WDPCP: variants seen among roughly 807,000 people sequenced by gnomAD.
WDPCP encodes WD repeat-containing and planar cell polarity effector protein fritz homolog.
WDPCP carries 71 observed loss-of-function variants against 93.1 expected under a neutral mutation model. The ratio of observed to expected loss-of-function variants is 0.76; its 90% CI spans 0.63 to 0.93. The LOEUF (loss-of-function observed/expected upper bound fraction) is 0.93, where lower values mean the gene tolerates loss of function less well. Among genes scored for constraint, WDPCP ranks in the 40% least tolerant of loss-of-function variants. WDPCP has a pLI of 0.00. For missense variants in WDPCP, 844 were observed against 887.4 expected (o/e 0.95, Z 0.62); for synonymous variants, 315 against 315.0 (o/e 1.00, Z 0.00).
intron 2 of WDPCP, among the ~76,000 whole-genome samples, chr2:63,656,576 G>A (rs1710168517): frequency 6.6e-6 from 1 of 152,222 alleles, no homozygotes; most frequent in Admixed American, 6.5e-5. Flanking sequence ...TTACTCAGGA[G>A]CCATGTATAG....
At chr2:63,515,684 C>G (rs1203841989) in intron 1 of WDPCP, among the ~76,000 whole-genome samples, 1 of 152,166 alleles carries the variant, frequency 6.6e-6, no homozygotes, top group Non-Finnish European at 1.5e-5. Flanking sequence ...TATAGAGCCC[C>G]TACTATGTGT....
chr2:63,598,801 T>G (rs750136478), intron 3 of WDPCP, among the ~76,000 whole-genome samples: 29 of 151,524 alleles, frequency 1.9e-4, no homozygotes, highest in Non-Finnish European at 4.0e-4. Flanking sequence ...TAATTCCACT[T>G]CTTCAAAGCG....
Position 63,437,417 on chromosome 2 carries a change from C to A in WDPCP, c.633+4G>T, listed in dbSNP as rs1473376005. 4 of 1,594,946 alleles carry A rather than the reference C, an allele frequency of 2.5e-6. No homozygotes were observed. In the South Asian group the frequency reaches 4.5e-5, roughly 18 times the overall value. On this transcript the variant is annotated splice_donor_region_variant and intron_variant, in intron 8 of 17. Coordinates refer to ENST00000272321, the MANE Select transcript of WDPCP (RefSeq NM_015910.7). Reference sequence around the variant, plus strand: ...AATATGACTATATAAATCAAAATCTCTACCTTATAATCCAAGGCTGAGAGT... The same window carrying A: ...AATATGACTATATAAATCAAAATCTATACCTTATAATCCAAGGCTGAGAGT...
chr2:63,143,672 C>T (rs539320951), intron 17 of WDPCP, among the ~76,000 whole-genome samples: 13 of 152,268 alleles, frequency 8.5e-5, no homozygotes, highest in African/African-American at 1.9e-4. Flanking sequence ...TGTCTGAAAA[C>T]GACTATATCT....
chr2:63,702,545 T>TC (rs2103712544), intron 2 of WDPCP, among the ~76,000 whole-genome samples: 1 of 151,548 alleles, frequency 6.6e-6, no homozygotes, highest in Admixed American at 6.6e-5. Flanking sequence ...ATTCTTTTTT[T>TC]TTTTGGTGTA....
chr2:63,674,458 A>C (rs1018513759), intron 2 of WDPCP, among the ~76,000 whole-genome samples: 1 of 152,218 alleles, frequency 6.6e-6, no homozygotes, highest in Non-Finnish European at 1.5e-5. Context: ...AGCAGGATAA[A>C]TACTGCATGA....
intron 3 of WDPCP, among the ~76,000 whole-genome samples, chr2:63,631,720 G>T (rs1362419100): frequency 6.6e-6 from 1 of 152,210 alleles, no homozygotes; most frequent in Non-Finnish European, 1.5e-5. Flanking sequence ...ATGGCTGGGA[G>T]TAAAGGCAAG....
intron 14 of WDPCP, among the ~76,000 whole-genome samples, chr2:63,212,101 T>G (rs979698267): frequency 6.6e-6 from 1 of 151,974 alleles, no homozygotes; most frequent in African/African-American, 2.4e-5. Flanking sequence ...AACATTCAAA[T>G]TAAGGAAATA....
At chr2:63,670,190 T>A (rs913263803) in intron 2 of WDPCP, among the ~76,000 whole-genome samples, 1 of 152,172 alleles carries the variant, frequency 6.6e-6, no homozygotes, top group Non-Finnish European at 1.5e-5. Flanking sequence ...CATGATGTAA[T>A]TTTATGAATC....
chr2:63,484,819 C>T, intron 5 of WDPCP, 98 bp downstream of exon 5: 4 of 1,498,844 alleles, frequency 2.7e-6, no homozygotes, highest in Non-Finnish European at 3.7e-6. Flanking sequence ...AAGCTATCAT[C>T]ACCATGAGAG....
intron 12 of WDPCP, among the ~76,000 whole-genome samples, chr2:63,374,995 T>C (rs996532067): frequency 6.6e-6 from 1 of 152,084 alleles, no homozygotes; most frequent in African/African-American, 2.4e-5. Flanking sequence ...TTTATAAGCA[T>C]TTAAAAAGCA....
chr2:63,126,563 C>T (rs1279031491), intron 17 of WDPCP, among the ~76,000 whole-genome samples: 1 of 151,954 alleles, frequency 6.6e-6, no homozygotes, highest in Admixed American at 6.6e-5. Context: ...AAACCTATTT[C>T]ACTTTTTTGC....
At chr2:63,356,708 T>G (rs6714258) in intron 12 of WDPCP, among the ~76,000 whole-genome samples, 85,913 of 151,972 alleles carry the variant, frequency 0.57, 24,638 homozygotes, top group Admixed American at 0.64. Context: ...CAGAAATCCA[T>G]AAGTTCTTTG....
chr2:63,609,223 C>T (rs1192167806), intron 3 of WDPCP, among the ~76,000 whole-genome samples: 2 of 152,070 alleles, frequency 1.3e-5, no homozygotes, highest in East Asian at 1.9e-4. Flanking sequence ...AAAAATTAGT[C>T]GGGCATGGTG....
At chr2:63,335,275 A>G (rs932607657) in intron 12 of WDPCP, among the ~76,000 whole-genome samples, 1 of 152,120 alleles carries the variant, frequency 6.6e-6, no homozygotes, top group East Asian at 1.9e-4. Context: ...AAAAGCATGG[A>G]CCACAATTTT....
intron 13 of WDPCP, among the ~76,000 whole-genome samples, chr2:63,285,229 G>GA (rs1336926638): frequency 6.6e-6 from 1 of 152,176 alleles, no homozygotes; most frequent in Non-Finnish European, 1.5e-5. Context: ...AGGAGATCAA[G>GA]ACTATCCTGG....
chr2:63,122,149 A>C, intron 17 of WDPCP, 93 bp from the exon 18 acceptor site: 1 of 1,038,250 alleles, frequency 9.6e-7, no homozygotes, highest in Non-Finnish European at 1.5e-6. Context: ...ACTGAAAAAT[A>C]GTGAAACAAA....
Position 63,458,452 on chromosome 2 carries a change from AC to A in WDPCP, c.385-18582del, listed in dbSNP as rs573075704. On this transcript the variant is annotated intron_variant, in intron 6 of 17. Transcript: ENST00000272321. The stretch of plus-strand genomic sequence containing the variant: ...AAAAATCAGTATACAACAATAATGA[AC>A]TAGGCGAGAAAGAAATCAAGAAGAC... Among the ~76,000 whole-genome samples, 361 of 152,278 alleles carry A rather than the reference AC, an allele frequency of 2.4e-3. 1 individual carries two copies. The highest frequency in any genetic ancestry group is 8.3e-3 in the African/African-American group (345 of 41,568).
intron 3 of WDPCP, among the ~76,000 whole-genome samples, chr2:63,607,703 A>G (rs62179379): frequency 6.7e-6 from 1 of 150,330 alleles, no homozygotes; most frequent in Non-Finnish European, 1.5e-5. Flanking sequence ...GGTGGCGGGC[A>G]CCTGTAGTCC....
Sources: gnomAD v4.1 joint callset for allele counts (sites outside exome capture counted in the v4.1 genomes callset) on GRCh38, gnomAD v4.1.1 for gene constraint, MANE v1.5 for transcripts, NCBI Gene and HGNC (gene_info 2026-07-23, HGNC 2026-07-21) for gene names.